The following YIPF7 variants were observed in gnomAD, a reference collection of about 807,000 sequenced individuals.
The protein encoded by YIPF7 is protein YIPF7.
YIPF7 carries 35 observed loss-of-function variants against 27.2 expected under a neutral mutation model. The observed-to-expected ratio is 1.29, with a 90% CI of 0.98 to 1.70. YIPF7 has a LOEUF of 1.70. Among genes scored for constraint, YIPF7 ranks in the 40% most tolerant of loss-of-function variants. The probability of loss-of-function intolerance (pLI) is 0.00; values close to 1 mark genes in which losing one functional copy is unlikely to be tolerated. For missense variants in YIPF7, 358 were observed against 303.7 expected (o/e 1.18, Z -1.33); for synonymous variants, 137 against 110.4 (o/e 1.24, Z -1.51).
chr4:44,636,102 A>G lies in YIPF7; in HGVS notation c.117-17T>C, dbSNP rs1560325920. On this transcript the variant is annotated splice_polypyrimidine_tract_variant and intron_variant, in intron 2 of 5. Transcript: ENST00000415895. ...GCTTGTTGTCTAGAAAAAGAAAAAT[A>G]CAAACATTTACATGTCTAAGAAAAA... 1.9e-6 allele frequency: 3 copies of G among 1,591,086 alleles called. No homozygotes were observed. The highest frequency in any genetic ancestry group is 2.6e-6 in the Non-Finnish European group (3 of 1,168,132).
rs767391899 is a variant in YIPF7, at chr4:44,635,798, T to G, written c.280+124A>C. 22 of 1,163,746 alleles carry G rather than the reference T, an allele frequency of 1.9e-5. No individual in the cohort carries two copies. In the East Asian group the frequency reaches 5.6e-4, roughly 30 times the overall value. 72.1% of individuals were successfully genotyped at this position (1,163,746 alleles called of 1,614,324 possible). The stretch of plus-strand genomic sequence containing the variant: ...TAAGGGTTTTGGTTCAGCAAACTCT[T>G]GTTATATGTGAAACAATCAAACATA... On this transcript the variant is annotated intron_variant, in intron 3 of 5. Transcript: ENST00000415895.
At chr4:44,654,112 T>A (rs1190394119), upstream of YIPF7, among the ~76,000 whole-genome samples, 2 of 152,068 alleles carry the variant, frequency 1.3e-5, no homozygotes, top group African/African-American at 4.8e-5. Context: ...TAGAAGTGCA[T>A]TAATGGACCA....
At chr4:44,647,461 T>C (rs1278473418) in intron 2 of YIPF7, among the ~76,000 whole-genome samples, 1 of 152,190 alleles carries the variant, frequency 6.6e-6, no homozygotes, top group East Asian at 1.9e-4. Flanking sequence ...CTAGTTCCTT[T>C]CTACAAAACA....
rs1712982231 is a variant in YIPF7, at chr4:44,633,182, T to C, written c.280+2740A>G. ...TCTCCCCAACCTGGCTGTGGAAAAATTGTCTTCCACAAAACTGTTCCCTGG... is the reference window on the plus strand; with the variant it reads ...TCTCCCCAACCTGGCTGTGGAAAAACTGTCTTCCACAAAACTGTTCCCTGG... On this transcript the variant is annotated intron_variant, in intron 3 of 5. Coordinates refer to ENST00000415895, the MANE Select transcript of YIPF7 (RefSeq NM_182592.3). Among the ~76,000 whole-genome samples, 4 of 152,032 alleles carry C rather than the reference T, an allele frequency of 2.6e-5. No homozygotes were observed. In the South Asian group the frequency reaches 8.3e-4, roughly 32 times the overall value.
chr4:44,628,910 T>C (rs1265535011), intron 4 of YIPF7, among the ~76,000 whole-genome samples: 1 of 152,126 alleles, frequency 6.6e-6, no homozygotes, highest in Non-Finnish European at 1.5e-5. Context: ...AGGTTGTCAT[T>C]GCAAATTAAT....
chr4:44,622,317 A>C lies in YIPF7; in HGVS notation c.*97T>G. 7.0e-7 allele frequency: 1 copy of C among 1,421,192 alleles called. No homozygotes were observed. Among genetic ancestry groups the C allele is most frequent in the Non-Finnish European group, 9.5e-7 (1 of 1,057,854 alleles). 88.0% of individuals were successfully genotyped at this position (1,421,192 alleles called of 1,614,324 possible). A position where few individuals can be genotyped will look rare whatever the true frequency, so the allele number is the denominator to read the frequency against. On this transcript the variant is annotated 3_prime_UTR_variant, in exon 6 of 6. Transcript: ENST00000415895. Reference sequence around the variant, plus strand: ...TCTGCTTATTACTCTCTCAAAAGCAATAAAACAGAAATCATATCACCAAAT... The same window carrying C: ...TCTGCTTATTACTCTCTCAAAAGCACTAAAACAGAAATCATATCACCAAAT...
At position 44,622,309 on chromosome 4, in the gene YIPF7, C is replaced by A; in HGVS notation, c.*105G>T. ...TTTGTCTCTCTGCTTATTACTCTCT[C>A]AAAAGCAATAAAACAGAAATCATAT... On this transcript the variant is annotated 3_prime_UTR_variant, in exon 6 of 6. Coordinates refer to ENST00000415895, the MANE Select transcript of YIPF7 (RefSeq NM_182592.3). 1 of 1,367,556 alleles carries A rather than the reference C, an allele frequency of 7.3e-7. No homozygotes were observed. Among genetic ancestry groups the A allele is most frequent in the Non-Finnish European group, 9.9e-7 (1 of 1,011,392 alleles). 84.7% of individuals were successfully genotyped at this position (1,367,556 alleles called of 1,614,324 possible).
chr4:44,624,135 G>A (rs1381710732), intron 5 of YIPF7, among the ~76,000 whole-genome samples: 3 of 149,706 alleles, frequency 2.0e-5, no homozygotes, highest in Middle Eastern at 6.5e-3. Context: ...GTGCGATCTC[G>A]GCTCACTGCA....
In YIPF7 at chr4:44,622,400, A is replaced by G. The variant is rs772114477; in HGVS notation, c.*14T>C. 34 of 1,606,636 alleles carry G rather than the reference A, an allele frequency of 2.1e-5. No individual in the cohort carries two copies. Among genetic ancestry groups the G allele is most frequent in the Non-Finnish European group, 2.9e-5 (34 of 1,176,854 alleles). On this transcript the variant is annotated 3_prime_UTR_variant, in exon 6 of 6. Coordinates refer to ENST00000415895, the MANE Select transcript of YIPF7 (RefSeq NM_182592.3). ...ACAGCAAACAGAGTCTTGAAATGCC[A>G]TCTCAAACATTCTTTAGAAAATTGT...
At chr4:44,630,797 C>A (rs1258348049) in intron 3 of YIPF7, among the ~76,000 whole-genome samples, 1 of 152,078 alleles carries the variant, frequency 6.6e-6, no homozygotes, top group South Asian at 2.1e-4. Context: ...AAATAAATAT[C>A]GATACCAGAT....
At chr4:44,632,008 T>C (rs1019916654) in intron 3 of YIPF7, among the ~76,000 whole-genome samples, 1 of 152,144 alleles carries the variant, frequency 6.6e-6, no homozygotes, top group African/African-American at 2.4e-5. Context: ...ATCACACTGA[T>C]GTCAACCATG....
chr4:44,641,458 C>T (rs181961418), intron 2 of YIPF7, among the ~76,000 whole-genome samples: 7 of 152,024 alleles, frequency 4.6e-5, no homozygotes, highest in Admixed American at 3.3e-4. Flanking sequence ...GTTGTTTTTA[C>T]CTTAAAGAAT....
intron 4 of YIPF7, among the ~76,000 whole-genome samples, chr4:44,626,870 G>A (rs1296541869): frequency 4.3e-5 from 6 of 139,012 alleles, no homozygotes; most frequent in Admixed American, 4.0e-4. Context: ...CCACCTCCTG[G>A]GTTCATTCCA....
Position 44,651,543 on chromosome 4 carries a change from C to G in YIPF7, c.-2+11G>C. 7 of 1,560,660 alleles carry G rather than the reference C, an allele frequency of 4.5e-6. No individual in the cohort carries two copies. Among genetic ancestry groups the G allele is most frequent in the Non-Finnish European group, 6.1e-6 (7 of 1,150,394 alleles). On this transcript the variant is annotated intron_variant, in intron 1 of 5. Transcript: ENST00000415895. ...TAAATGCCAAGTCTTTTAGAAGGAT[C>G]AGACACATACCTCTGTTTATTTTTT...
intron 2 of YIPF7, among the ~76,000 whole-genome samples, chr4:44,636,816 T>C (rs907842894): frequency 1.3e-5 from 2 of 152,152 alleles, no homozygotes; most frequent in African/African-American, 2.4e-5. Context: ...GCATAGATTG[T>C]GTAGTGGTCA....
upstream of YIPF7, among the ~76,000 whole-genome samples, chr4:44,654,145 T>G (rs960446039): frequency 6.6e-6 from 1 of 152,078 alleles, no homozygotes; most frequent in African/African-American, 2.4e-5. Context: ...CAAGAATATT[T>G]TAGAGCTATT....
At chr4:44,634,244 C>T (rs923095404) in intron 3 of YIPF7, among the ~76,000 whole-genome samples, 3 of 152,252 alleles carry the variant, frequency 2.0e-5, no homozygotes, top group East Asian at 3.9e-4. Context: ...TAGAAGTGCT[C>T]GTGACAGGCT....
At chr4:44,636,660 T>C (rs1255707125) in intron 2 of YIPF7, among the ~76,000 whole-genome samples, 2 of 152,118 alleles carry the variant, frequency 1.3e-5, no homozygotes, top group Non-Finnish European at 2.9e-5. Context: ...CATAAGGAAA[T>C]ACACTTCAGT....
chr4:44,651,242 A>C (rs1325184650), intron 1 of YIPF7, among the ~76,000 whole-genome samples: 1 of 152,228 alleles, frequency 6.6e-6, no homozygotes, highest in Non-Finnish European at 1.5e-5. Context: ...CATACATCTG[A>C]TGCAATAAAT....
Sources: allele counts gnomAD v4.1 joint callset (sites outside exome capture counted in the v4.1 genomes callset), GRCh38; gene constraint gnomAD v4.1.1; transcripts MANE v1.5; gene names NCBI Gene and HGNC (gene_info 2026-07-23, HGNC 2026-07-21).